The following ZNRF3 variants were observed in gnomAD, a reference collection of about 807,000 sequenced individuals.
The protein encoded by ZNRF3 is E3 ubiquitin-protein ligase ZNRF3.
In ZNRF3, 23 loss-of-function variants were observed where a neutral mutation model predicts 72.5. The ratio of observed to expected loss-of-function variants is 0.32; its 90% CI spans 0.23 to 0.45. The LOEUF is 0.45. Ranked by LOEUF, ZNRF3 falls within the 20% of genes least tolerant of loss-of-function variation. ZNRF3 has a pLI of 1.00. For missense variants in ZNRF3, 1,169 were observed against 1,272.1 expected, an observed-to-expected ratio of 0.92 and a Z score of 1.23; for synonymous variants, 610 against 545.3, an observed-to-expected ratio of 1.12 and a Z score of -1.65.
chr22:29,042,737 C>T (rs1359498282), intron 3 of ZNRF3, among the ~76,000 whole-genome samples, 168 bp downstream of exon 3: 1 of 151,532 alleles, frequency 6.6e-6, no homozygotes, highest in Non-Finnish European at 1.5e-5. Flanking sequence ...GTATACTGGG[C>T]GAGGTTAAGA....
At chr22:28,995,965 G>A (rs1218089119) in intron 2 of ZNRF3, among the ~76,000 whole-genome samples, 4 of 152,170 alleles carry the variant, frequency 2.6e-5, no homozygotes, top group African/African-American at 9.7e-5. Flanking sequence ...TAATAGAGAT[G>A]TGGTTTTGCC....
At chr22:29,033,787 A>C (rs2123874127) in intron 2 of ZNRF3, among the ~76,000 whole-genome samples, 1 of 152,178 alleles carries the variant, frequency 6.6e-6, no homozygotes, top group Admixed American at 6.5e-5. Context: ...TACCTCCTTG[A>C]GGAGGGAGCC....
At position 29,049,635 on chromosome 22, in the gene ZNRF3, A is replaced by T; in HGVS notation, c.1454A>T (p.Gln485Leu). The change falls in exon 8 of 9, where the codon CAG (glutamine) becomes CTG (leucine). Residue 485 changes from glutamine to leucine, a missense_variant. Transcript: ENST00000544604. The surrounding 1 kb of genome is among the most constrained non-coding windows in gnomAD (Gnocchi z 5.2). ...CTCAGCTACCCGGAGCAGGAGGGGC[A>T]GTCCCCACCTAGCCTCGCACCCCGG... ...QGLSYPEQEG[Q>L]SPPSLAPRGP... The T allele has an allele frequency of 6.2e-7, 1 of 1,610,892 alleles. No homozygotes were observed. Among genetic ancestry groups the T allele is most frequent in the African/African-American group, 1.3e-5 (1 of 75,032 alleles).
chr22:28,893,182 AT>A (rs1169635673), intron 1 of ZNRF3, among the ~76,000 whole-genome samples: 2 of 152,202 alleles, frequency 1.3e-5, no homozygotes, highest in East Asian at 1.9e-4. Flanking sequence ...AAATAAAAAA[AT>A]AAAAAATAAA....
chr22:28,937,209 ATATATATTTT>A (rs1194874739), intron 1 of ZNRF3, among the ~76,000 whole-genome samples: 2 of 2,706 alleles, frequency 7.4e-4, no homozygotes, highest in African/African-American at 1.0e-3. Context: ...ATATATATAT[ATATATATTTT>A]TTTTTTTTTT....
chr22:29,033,984 A>G (rs951555863), intron 2 of ZNRF3, among the ~76,000 whole-genome samples: 11 of 152,212 alleles, frequency 7.2e-5, no homozygotes, highest in Admixed American at 2.0e-4. Context: ...CCTGAGAACC[A>G]AGCCCTGGGA....
At chr22:28,932,035 C>A (rs1277819805) in intron 1 of ZNRF3, among the ~76,000 whole-genome samples, 1 of 152,214 alleles carries the variant, frequency 6.6e-6, no homozygotes, top group Non-Finnish European at 1.5e-5. Flanking sequence ...GGACAGAGGC[C>A]ATGGAAGAGA....
intron 2 of ZNRF3, among the ~76,000 whole-genome samples, chr22:28,993,120 G>GTGTT (rs2035986154): frequency 6.6e-6 from 1 of 152,252 alleles, no homozygotes; most frequent in South Asian, 2.1e-4. Flanking sequence ...AAAAGAGCAG[G>GTGTT]TGTTGTAGAA....
At chr22:28,939,363 G>A (rs573430617) in intron 1 of ZNRF3, among the ~76,000 whole-genome samples, 3 of 151,694 alleles carry the variant, frequency 2.0e-5, no homozygotes, top group South Asian at 2.1e-4. Context: ...CATATAAGAA[G>A]TAGCTATTGT....
At chr22:29,047,812 A>G (rs920179972) in intron 6 of ZNRF3, among the ~76,000 whole-genome samples, 6 of 152,214 alleles carry the variant, frequency 3.9e-5, no homozygotes, top group Admixed American at 1.3e-4. Context: ...TTCTGTCCCA[A>G]TAACTCTATC....
At chr22:28,993,849 G>C (rs1027626956) in intron 2 of ZNRF3, among the ~76,000 whole-genome samples, 3 of 152,098 alleles carry the variant, frequency 2.0e-5, no homozygotes, top group Non-Finnish European at 4.4e-5. Flanking sequence ...CACCTAGCTA[G>C]TTTTTAATTT....
chr22:28,906,728 C>T lies in ZNRF3; in HGVS notation c.300+22662C>T, dbSNP rs114017200. Among the ~76,000 whole-genome samples the T allele has an allele frequency of 4.8e-3, 726 of 152,304 alleles. 5 individuals are homozygous for T. The highest frequency in any genetic ancestry group is 0.017 in the African/African-American group (705 of 41,564). On this transcript the variant is annotated intron_variant, in intron 1 of 8. Coordinates refer to ENST00000544604, the MANE Select transcript of ZNRF3 (RefSeq NM_001206998.2). ...CTATTAGAAGACGACTTGGCAGCTACAATAGAGAGACGTGCTGGTGCTGAG... is the reference window on the plus strand; with the variant it reads ...CTATTAGAAGACGACTTGGCAGCTATAATAGAGAGACGTGCTGGTGCTGAG...
chr22:28,935,705 C>T (rs900502375), intron 1 of ZNRF3, among the ~76,000 whole-genome samples: 1 of 152,198 alleles, frequency 6.6e-6, no homozygotes, highest in African/African-American at 2.4e-5. Context: ...CCTTTATTGG[C>T]TGCAGAAAAT....
intron 2 of ZNRF3, among the ~76,000 whole-genome samples, chr22:29,008,758 C>A (rs117100081): frequency 0.015 from 2,331 of 152,178 alleles, 47 homozygotes; most frequent in South Asian, 0.057. Context: ...TGTTAACCAG[C>A]TTTAACCAGA....
rs576955382 is a variant in ZNRF3 at position 28,934,602 on chromosome 22, G to C, written c.300+50536G>C. On this transcript the variant is annotated intron_variant, in intron 1 of 8. Coordinates refer to ENST00000544604, the MANE Select transcript of ZNRF3 (RefSeq NM_001206998.2). ...GGAGGCTGAGGCAGGCAGATCACTT[G>C]GGGTCAGGAGTTCGAGACCAGCCTG... is the stretch of plus-strand genomic sequence containing the variant. Among the ~76,000 whole-genome samples the C allele has an allele frequency of 9.2e-5, 14 of 152,196 alleles. No individual in the cohort carries two copies. The East Asian group carries it at 2.7e-3, about 29-fold the overall frequency.
intron 2 of ZNRF3, among the ~76,000 whole-genome samples, chr22:29,014,682 G>A (rs1045427653): frequency 2.0e-5 from 3 of 152,172 alleles, no homozygotes; most frequent in Non-Finnish European, 2.9e-5. Context: ...TGTGCTAGAC[G>A]CTGCAGATAC....
Position 29,046,778 on chromosome 22 carries a change from C to T in ZNRF3, c.807C>T (p.Ser269=), listed in dbSNP as rs370112561. ...LEKMETRKFN[S]KSKGRREGSC... ...AGATGGAAACCAGAAAGTTCAACTC[C>T]AAGAGCAAGGGGCGCCGGGAGGGGA... Residue 269 remains serine, a synonymous_variant, in exon 6 of 9, where the codon TCC becomes TCT. Transcript: ENST00000544604. The T allele has an allele frequency of 6.2e-7, 1 of 1,612,112 alleles. No homozygotes were observed. The highest frequency in any genetic ancestry group is 8.5e-7 in the Non-Finnish European group (1 of 1,179,060).
chr22:29,043,690 T>G (rs909774768), intron 4 of ZNRF3, among the ~76,000 whole-genome samples: 1 of 152,212 alleles, frequency 6.6e-6, no homozygotes, highest in African/African-American at 2.4e-5. Context: ...GCATTCCCTC[T>G]TGGCCATCTC....
At chr22:29,044,133 C>T (rs1006250146) in intron 4 of ZNRF3, among the ~76,000 whole-genome samples, 7 of 152,192 alleles carry the variant, frequency 4.6e-5, no homozygotes, top group Admixed American at 1.3e-4. Context: ...ACAACATAGC[C>T]GGTTACATGC....
Sources: allele counts gnomAD v4.1 joint callset (sites outside exome capture counted in the v4.1 genomes callset), GRCh38; gene constraint gnomAD v4.1.1; non-coding constraint Gnocchi (gnomAD v3.1); transcripts MANE v1.5; gene names NCBI Gene and HGNC (gene_info 2026-07-23, HGNC 2026-07-21).